The following DAP3 variants were observed in gnomAD, a reference collection of about 807,000 sequenced individuals.
DAP3 encodes the protein death associated protein 3.
DAP3 carries 28 observed loss-of-function variants against 51.9 expected under a neutral mutation model. The ratio of observed to expected loss-of-function variants is 0.54; its 90% CI spans 0.40 to 0.74. The LOEUF (loss-of-function observed/expected upper bound fraction) is 0.74. Ranked by LOEUF, DAP3 falls within the 30% of genes least tolerant of loss-of-function variation. The probability of loss-of-function intolerance (pLI) is 0.00; values close to 1 mark genes in which losing one functional copy is unlikely to be tolerated. For missense variants in DAP3, 458 were observed against 483.5 expected, an observed-to-expected ratio of 0.95 and a Z score of 0.49; for synonymous variants, 170 against 170.3, an observed-to-expected ratio of 1.00 and a Z score of 0.01.
intron 2 of DAP3, among the ~76,000 whole-genome samples, chr1:155,713,837 A>C (rs1427112676): frequency 6.6e-6 from 1 of 152,232 alleles, no homozygotes; most frequent in Admixed American, 6.5e-5. Context: ...AAACTAGTAC[A>C]TGTACAATAC....
chr1:155,727,842 C>T, intron 7 of DAP3, 104 bp downstream of exon 7: 3 of 1,293,976 alleles, frequency 2.3e-6, no homozygotes, highest in Non-Finnish European at 3.1e-6. Flanking sequence ...GTTGGAATAA[C>T]TGTATCATTT....
chr1:155,720,941 G>A (rs1386773829), intron 3 of DAP3, among the ~76,000 whole-genome samples: 1 of 152,088 alleles, frequency 6.6e-6, no homozygotes, highest in Admixed American at 6.6e-5. Flanking sequence ...GGAGGCTGAG[G>A]CAGGAGAATC....
intron 1 of DAP3, among the ~76,000 whole-genome samples, chr1:155,703,799 A>G (rs1230934727): frequency 2.0e-5 from 3 of 152,204 alleles, no homozygotes; most frequent in Non-Finnish European, 4.4e-5. Flanking sequence ...GGCATCCCAG[A>G]GTGCTGGGAT....
At chr1:155,731,845 C>A in intron 10 of DAP3, 99 bp from the exon 11 acceptor site, 1 of 1,233,090 alleles carries the variant, frequency 8.1e-7, no homozygotes, top group Non-Finnish European at 1.1e-6. Flanking sequence ...TTTTGTAACA[C>A]TGTATGCCCA....
At position 155,689,129 on chromosome 1, in the gene DAP3, A is replaced by G; in HGVS notation, c.-53A>G. 3 of 1,008,928 alleles carry G rather than the reference A, an allele frequency of 3.0e-6. No individual in the cohort carries two copies. The South Asian group carries it at 4.1e-5, about 14-fold the overall frequency. 62.5% of individuals were successfully genotyped at this position (1,008,928 alleles called of 1,614,324 possible). On this transcript the variant is annotated 5_prime_UTR_variant, in exon 1 of 13. Transcript: ENST00000368336. ...GGGCGCTTTGGAGCCGGCCCCAGGC[A>G]GCGTGTGTCGGTCGCCTAGTCTGGA...
chr1:155,703,378 T>A (rs1428749825), intron 1 of DAP3, among the ~76,000 whole-genome samples: 2 of 152,188 alleles, frequency 1.3e-5, no homozygotes, highest in East Asian at 3.8e-4. Flanking sequence ...TATTAAATTA[T>A]TAGATCTTGT....
intron 9 of DAP3, 23 bp from the exon 10 acceptor site, chr1:155,731,331 TTC>T (rs755276681): frequency 1.5e-5 from 24 of 1,611,990 alleles, no homozygotes; most frequent in Non-Finnish European, 1.9e-5. Flanking sequence ...TGATGATCTC[TTC>T]TCTCTTTCTG....
intron 1 of DAP3, among the ~76,000 whole-genome samples, chr1:155,697,422 C>T (rs1055729837): frequency 1.1e-4 from 17 of 152,100 alleles, no homozygotes; most frequent in Admixed American, 7.2e-4. Context: ...TTCTATTTTC[C>T]GTAAGTGTGC....
chr1:155,721,487 A>G (rs909620369), intron 3 of DAP3, 30 bp from the exon 4 acceptor site: 1 of 1,611,200 alleles, frequency 6.2e-7, no homozygotes, highest in Non-Finnish European at 8.5e-7. Flanking sequence ...CTTTGTCACC[A>G]TTATACCTGT....
At chr1:155,709,893 G>A in intron 2 of DAP3, 69 bp downstream of exon 2, 1 of 1,473,178 alleles carries the variant, frequency 6.8e-7, no homozygotes, top group Non-Finnish European at 9.4e-7. Flanking sequence ...GTTTTCAGAT[G>A]GATTCATTGT....
intron 1 of DAP3, among the ~76,000 whole-genome samples, chr1:155,689,968 A>T (rs565605283): frequency 7.0e-6 from 1 of 143,002 alleles, no homozygotes; most frequent in Non-Finnish European, 1.5e-5. Context: ...GCTCCTAGGC[A>T]TAGGGAAGGT....
intron 3 of DAP3, among the ~76,000 whole-genome samples, chr1:155,720,387 A>AG (rs1657847307): frequency 6.6e-6 from 1 of 150,918 alleles, no homozygotes; most frequent in Non-Finnish European, 1.5e-5. Flanking sequence ...TCACGCCTGT[A>AG]ATCCCAGCAC....
chr1:155,702,149 TA>T (rs1418582091), intron 1 of DAP3, among the ~76,000 whole-genome samples: 3 of 105,774 alleles, frequency 2.8e-5, no homozygotes, highest in African/African-American at 1.3e-4. Flanking sequence ...TGATTCTGCC[TA>T]TAAAAAAAAA....
chr1:155,688,341 A>G, upstream of DAP3: 2 of 1,549,838 alleles, frequency 1.3e-6, no homozygotes, highest in Non-Finnish European at 8.7e-7. Flanking sequence ...CGGCGGCAGC[A>G]GAGTGGCCGC....
upstream of DAP3, chr1:155,688,586 A>T (rs1465986254): frequency 5.2e-6 from 8 of 1,536,204 alleles, no homozygotes; most frequent in African/African-American, 1.4e-5. Context: ...CACCCACGGG[A>T]ACCTCCTCGC....
At chr1:155,702,316 CA>C (rs138597473) in intron 1 of DAP3, among the ~76,000 whole-genome samples, 19,032 of 151,484 alleles carry the variant, frequency 0.13, 4,108 homozygotes, top group African/African-American at 0.44. Context: ...AAAAAAAATA[CA>C]AAAAAATTAG....
chr1:155,737,149 A>G, intron 12 of DAP3, 86 bp downstream of exon 12: 1 of 925,014 alleles, frequency 1.1e-6, no homozygotes, highest in Non-Finnish European at 1.7e-6. Context: ...TCTTCCCTTA[A>G]CAACAGCCTC....
intron 3 of DAP3, among the ~76,000 whole-genome samples, chr1:155,717,381 T>C (rs1657465869): frequency 6.6e-6 from 1 of 152,178 alleles, no homozygotes; most frequent in Admixed American, 6.6e-5. Flanking sequence ...GTTCCACGGA[T>C]TTTGCTGAGC....
At chr1:155,693,642 ATT>A (rs1654151932) in intron 1 of DAP3, among the ~76,000 whole-genome samples, 1 of 142,162 alleles carries the variant, frequency 7.0e-6, no homozygotes, top group African/African-American at 3.2e-5. Context: ...CATAGGAATT[ATT>A]TTGAAGTACC....
Sources: gnomAD v4.1 joint callset for allele counts (sites outside exome capture counted in the v4.1 genomes callset) on GRCh38, gnomAD v4.1.1 for gene constraint, MANE v1.5 for transcripts, NCBI Gene and HGNC (gene_info 2026-07-23, HGNC 2026-07-21) for gene names.